EP300: variants seen among roughly 807,000 people sequenced by gnomAD.
EP300 encodes the protein histone acetyltransferase p300.
Under a neutral mutation model 264.0 loss-of-function variants are expected in EP300, and 31 were observed. That is an observed-to-expected ratio of 0.12 (90% CI 0.09 to 0.16). The LOEUF (loss-of-function observed/expected upper bound fraction) is 0.16. Ranked by LOEUF, EP300 falls within the 10% of genes least tolerant of loss-of-function variation. The pLI is 1.00. For missense variants in EP300, 2,766 were observed against 3,052.9 expected, an observed-to-expected ratio of 0.91 and a Z score of 2.21; for synonymous variants, 1,340 against 1,045.4, an observed-to-expected ratio of 1.28 and a Z score of -5.44.
In EP300 at chr22:41,169,667, G is replaced by C. The variant is rs1032447716; in HGVS notation, c.4286+51G>C. The C allele has an allele frequency of 5.6e-6, 6 of 1,068,302 alleles. No homozygotes were observed. In the African/African-American group the frequency reaches 9.3e-5, roughly 17 times the overall value. 66.2% of individuals were successfully genotyped at this position (1,068,302 alleles called of 1,614,324 possible). A position where few individuals can be genotyped will look rare whatever the true frequency, so the allele number is the denominator to read the frequency against. On this transcript the variant is annotated intron_variant, in intron 26 of 30. Transcript: ENST00000263253. ...TTTTCTTTAACTAGCATGGCATTCT[G>C]GTGAGATATAGGTTAAATATGCAAA... is the stretch of plus-strand genomic sequence containing the variant.
rs747525140 is a variant in EP300 at position 41,146,718 on chromosome 22, T to C, written c.2054-21T>C. ...TAAGGGAAGATGGTGCAAAGATACT[T>C]ATTTCTCTTTTTTACTCTAGATGGC... On this transcript the variant is annotated intron_variant, in intron 10 of 30. Coordinates refer to ENST00000263253, the MANE Select transcript of EP300 (RefSeq NM_001429.4). 5 of 1,612,232 alleles carry C rather than the reference T, an allele frequency of 3.1e-6. No homozygotes were observed. The African/African-American group carries it at 6.7e-5, about 22-fold the overall frequency.
intron 12 of EP300, 55 bp from the exon 13 acceptor site, chr22:41,148,983 A>G (rs2273228): frequency 5.0e-6 from 8 of 1,606,824 alleles, no homozygotes; most frequent in Non-Finnish European, 6.8e-6. Flanking sequence ...TTTTAGTTAT[A>G]GTAGAATAAC....
At position 41,176,448 on chromosome 22, in the gene EP300, C is replaced by G. The variant is rs757181782; in HGVS notation, c.4981C>G (p.Gln1661Glu). The change falls in exon 30 of 31, where the codon CAG becomes GAG. Residue 1661 changes from glutamine (Q) to glutamate (E), a missense_variant. Gln to Glu is a conservative substitution (Grantham distance 29). Coordinates refer to ENST00000263253, the MANE Select transcript of EP300 (RefSeq NM_001429.4). ...GTGCATGCTGGTGGAGCTGCACACG[C>G]AGAGCCAGGACCGCTTTGTCTACAC... ...TMCMLVELHT[Q>E]SQDRFVYTCN... The G allele has an allele frequency of 6.2e-7, 1 of 1,614,212 alleles. No homozygotes were observed.
At chr22:41,152,099 G>C in intron 15 of EP300, 87 bp downstream of exon 15, 2 of 1,586,642 alleles carry the variant, frequency 1.3e-6, no homozygotes, top group Non-Finnish European at 1.7e-6. Flanking sequence ...AAAATATTTT[G>C]ATAATTAGAT....
chr22:41,164,074 C>T lies in EP300; in HGVS notation c.3750C>T (p.Cys1250=), dbSNP rs747187417. 2.4e-5 allele frequency: 38 copies of T among 1,613,934 alleles called. No homozygotes were observed. The East Asian group carries it at 3.6e-4, about 15-fold the overall frequency. ...CCAGGTTTGTTGAATGTACAGAGTG[C>T]GGAAGAAAGATGCATCAGATCTGTG... ...DPELFVECTE[C]GRKMHQICVL... The change falls in exon 22 of 31, where the codon TGC becomes TGT. Residue 1250 remains cysteine (C), a synonymous_variant. Transcript: ENST00000263253.
At chr22:41,093,165 T>C in intron 1 of EP300, 67 bp downstream of exon 1, 3 of 1,508,854 alleles carry the variant, frequency 2.0e-6, no homozygotes, top group Non-Finnish European at 9.2e-7. Context: ...GCCTTTATTC[T>C]TCCATTTTTT....
chr22:41,171,142 TTTTA>T (rs2059168466), intron 27 of EP300, among the ~76,000 whole-genome samples: 3 of 151,928 alleles, frequency 2.0e-5, no homozygotes, highest in East Asian at 1.9e-4. Context: ...CAAAATTTTA[TTTTA>T]TTTATTTTTG....
chr22:41,167,584 G>GTGTATATATA (rs869093144), intron 23 of EP300, among the ~76,000 whole-genome samples: 8 of 34,470 alleles, frequency 2.3e-4, no homozygotes, highest in Admixed American at 1.6e-3. Flanking sequence ...GTGTGTGTGT[G>GTGTATATATA]TATATATATA....
intron 10 of EP300, among the ~76,000 whole-genome samples, chr22:41,143,483 AAAAAC>A (rs2145728813): frequency 6.6e-6 from 1 of 152,338 alleles, no homozygotes; most frequent in East Asian, 1.9e-4. Context: ...TAAACTTTGA[AAAAAC>A]AAAATTGAAA....
At chr22:41,129,290 C>A (rs557774762) in intron 4 of EP300, among the ~76,000 whole-genome samples, 14 of 152,144 alleles carry the variant, frequency 9.2e-5, no homozygotes, top group African/African-American at 2.9e-4. Flanking sequence ...GAATTACAGG[C>A]GTGAGCCACC....
In EP300 at chr22:41,158,447, C is replaced by A. The variant is rs148939960; in HGVS notation, c.3537C>A (p.Gly1179=). 135 of 1,614,036 alleles carry A rather than the reference C, an allele frequency of 8.4e-5. No individual in the cohort carries two copies. In the African/African-American group the frequency reaches 1.5e-3, roughly 17 times the overall value. ...EFSPQTLCCY[G]KQLCTIPRDA... ...CTCCACAGACACTGTGTTGCTACGG[C>A]AAACAGTTGTGCACAATACCTCGTG... The change falls in exon 19 of 31, where the codon GGC becomes GGA. Residue 1179 remains glycine, a synonymous_variant. Transcript: ENST00000263253.
chr22:41,149,680 A>G lies in EP300; in HGVS notation c.2380-81A>G, dbSNP rs1002946532. 1.9e-5 allele frequency: 27 copies of G among 1,430,998 alleles called. No homozygotes were observed. In the East Asian group the frequency reaches 6.0e-4, roughly 32 times the overall value. The allele number at this position is 1,430,998 out of a possible 1,614,324, so 88.6% of individuals were successfully genotyped here. A position where few individuals can be genotyped will look rare whatever the true frequency, so the allele number is the denominator to read the frequency against. ...TCTTTGTTTAATCAGTTTGTGTCCTAAATTTATATATCATGCCTATGTAAG... is the reference window on the plus strand; with the variant it reads ...TCTTTGTTTAATCAGTTTGTGTCCTGAATTTATATATCATGCCTATGTAAG... On this transcript the variant is annotated intron_variant, in intron 13 of 30. Transcript: ENST00000263253.
At chr22:41,126,632 A>G (rs1232864708) in intron 3 of EP300, among the ~76,000 whole-genome samples, 2 of 146,674 alleles carry the variant, frequency 1.4e-5, no homozygotes, top group Non-Finnish European at 3.0e-5. Context: ...CCTTTGTGTC[A>G]TTATGTTTAT....
At chr22:41,100,631 G>A (rs1007198081) in intron 1 of EP300, among the ~76,000 whole-genome samples, 2 of 151,990 alleles carry the variant, frequency 1.3e-5, no homozygotes, top group East Asian at 1.9e-4. Flanking sequence ...AAACAATACA[G>A]TGCACCAACT....
chr22:41,106,971 A>C (rs533741059), intron 1 of EP300, among the ~76,000 whole-genome samples: 2 of 152,106 alleles, frequency 1.3e-5, no homozygotes, highest in South Asian at 4.2e-4. Context: ...CAGTAGCGTG[A>C]TCTCGGCTTA....
intron 7 of EP300, among the ~76,000 whole-genome samples, chr22:41,136,472 A>G (rs1471777252): frequency 6.6e-6 from 1 of 152,208 alleles, no homozygotes; most frequent in Admixed American, 6.5e-5. Flanking sequence ...AGCCTGGGCA[A>G]TATGTCAAGA....
chr22:41,138,843 T>A (rs2058966648), intron 8 of EP300, among the ~76,000 whole-genome samples: 1 of 152,256 alleles, frequency 6.6e-6, no homozygotes, highest in South Asian at 2.1e-4. Context: ...TGTCTTAATT[T>A]ATTTTTATGT....
chr22:41,161,306 T>C lies in EP300; in HGVS notation c.3671+584T>C, dbSNP rs563906808. 7.2e-5 allele frequency among the ~76,000 whole-genome samples: 11 copies of C among 152,312 alleles called. No individual in the cohort carries two copies. In the East Asian group the frequency reaches 1.5e-3, roughly 21 times the overall value. On this transcript the variant is annotated intron_variant, in intron 20 of 30. Transcript: ENST00000263253. The stretch of plus-strand genomic sequence containing the variant: ...TTGGTAAATGGCCAAGAAAAAAATT[T>C]CAAACATATAGTCTAATAGTTTAAT...
chr22:41,140,565 G>C (rs1010965209), intron 9 of EP300, among the ~76,000 whole-genome samples: 2 of 152,156 alleles, frequency 1.3e-5, no homozygotes, highest in Non-Finnish European at 2.9e-5. Flanking sequence ...CCAGCAGTTT[G>C]AAAGTCTGAG....
Sources: gnomAD v4.1 joint callset for allele counts (sites outside exome capture counted in the v4.1 genomes callset) on GRCh38, gnomAD v4.1.1 for gene constraint, MANE v1.5 for transcripts, NCBI Gene and HGNC (gene_info 2026-07-23, HGNC 2026-07-21) for gene names.